FOLH1: variants seen among roughly 807,000 people sequenced by gnomAD.
FOLH1 encodes glutamate carboxypeptidase 2.
FOLH1 carries 54 observed loss-of-function variants against 93.9 expected under a neutral mutation model. The observed-to-expected ratio is 0.57, with a 90% confidence interval of 0.46 to 0.72. The LOEUF (loss-of-function observed/expected upper bound fraction) is 0.72. FOLH1 is among the 30% of genes least tolerant of loss of function. The pLI is 0.00. For missense variants in FOLH1, 571 were observed against 892.5 expected (o/e 0.64, Z 4.59); for synonymous variants, 249 against 303.6 (o/e 0.82, Z 1.87).
At chr11:49,181,064 C>T (rs1326365031) in intron 7 of FOLH1, among the ~76,000 whole-genome samples, 1 of 151,970 alleles carries the variant, frequency 6.6e-6, no homozygotes, top group African/African-American at 2.4e-5. Context: ...TATTATGCAT[C>T]CCTCTTTTGT....
At chr11:49,205,385 A>T (rs1863786808) in intron 2 of FOLH1, among the ~76,000 whole-genome samples, 1 of 152,190 alleles carries the variant, frequency 6.6e-6, no homozygotes. Flanking sequence ...AAATATGCCA[A>T]ATTTATGCTA....
chr11:49,159,706 A>G (rs1239230324), intron 13 of FOLH1, among the ~76,000 whole-genome samples: 1 of 152,134 alleles, frequency 6.6e-6, no homozygotes, highest in Non-Finnish European at 1.5e-5. Context: ...TAGAAATAGT[A>G]CCAGCCCTTC....
rs1418656291 is a variant in FOLH1 at position 49,206,137 on chromosome 11, T to C, written c.154A>G (p.Ile52Val). The C allele has an allele frequency of 3.1e-6, 5 of 1,612,290 alleles. No homozygotes were observed. The highest frequency in any genetic ancestry group is 3.4e-5 in the Admixed American group (2 of 59,634). ...GCTTTCATATTATGCTTTGGAGTAA[T>C]GTTAGTAGCTTCATTGGAGGATTTT... ...FIKSSNEATNITPKHNMKAFL... is the reference protein window; with the variant it reads ...FIKSSNEATNVTPKHNMKAFL... Residue 52 changes from isoleucine to valine, a missense_variant, in exon 2 of 19, where the codon ATT (isoleucine) becomes GTT (valine). Physicochemically the swap from Ile to Val is conservative, Grantham distance 29 (BLOSUM62 3). Transcript: ENST00000256999.
rs182195065 is a variant in FOLH1 at position 49,146,626 on chromosome 11, T to C, written c.*130A>G. Reference sequence around the variant, plus strand: ...TATAAACACACACATATATAAACACTCACATAACTATATATAATATTCAAC... The same window carrying C: ...TATAAACACACACATATATAAACACCCACATAACTATATATAATATTCAAC... On this transcript the variant is annotated 3_prime_UTR_variant, in exon 19 of 19. Transcript: ENST00000256999. 784 of 679,150 alleles carry C rather than the reference T, an allele frequency of 1.2e-3. 6 individuals are homozygous for C. The African/African-American group carries it at 0.013, about 12-fold the overall frequency. 42.1% of individuals were successfully genotyped at this position (679,150 alleles called of 1,614,324 possible).
At chr11:49,167,125 T>C (rs989550824) in intron 12 of FOLH1, among the ~76,000 whole-genome samples, 11 of 152,212 alleles carry the variant, frequency 7.2e-5, no homozygotes, top group African/African-American at 2.7e-4. Context: ...GTATTTATTC[T>C]GGGTGGGCAT....
chr11:49,179,367 A>T lies in FOLH1; in HGVS notation c.921-3410T>A, dbSNP rs548252243. On this transcript the variant is annotated intron_variant, in intron 7 of 18. Transcript: ENST00000256999. The stretch of plus-strand genomic sequence containing the variant: ...AGCCTGGATAAATTTAAAAGGTTGA[A>T]ATTATACAATCATTTTATTACTCAT... Among the ~76,000 whole-genome samples the T allele has an allele frequency of 2.6e-5, 4 of 152,330 alleles. No individual in the cohort carries two copies. The South Asian group carries it at 8.3e-4, about 32-fold the overall frequency.
chr11:49,151,403 TGC>T (rs1856496003), intron 17 of FOLH1, among the ~76,000 whole-genome samples: 1 of 150,496 alleles, frequency 6.6e-6, no homozygotes, highest in African/African-American at 2.5e-5. Flanking sequence ...AATGCGCGCG[TGC>T]GCGTGCGTGC....
At chr11:49,166,743 G>GACA (rs1858457089) in intron 12 of FOLH1, among the ~76,000 whole-genome samples, 1 of 152,186 alleles carries the variant, frequency 6.6e-6, no homozygotes, top group Non-Finnish European at 1.5e-5. Context: ...AAACAAGTGA[G>GACA]ATGAATGGTG....
intron 3 of FOLH1, among the ~76,000 whole-genome samples, chr11:49,195,922 G>A (rs1862568724): frequency 1.3e-5 from 2 of 152,178 alleles, no homozygotes; most frequent in Admixed American, 6.5e-5. Context: ...TTGGCAGGCC[G>A]AGGCGGGTGG....
At chr11:49,152,541 T>C (rs1856603676) in intron 17 of FOLH1, among the ~76,000 whole-genome samples, 3 of 152,206 alleles carry the variant, frequency 2.0e-5, no homozygotes, top group Admixed American at 6.5e-5. Flanking sequence ...ATTAGTGAAC[T>C]GCAATATTTT....
chr11:49,198,572 A>G (rs1426598627), intron 3 of FOLH1, among the ~76,000 whole-genome samples: 1 of 152,062 alleles, frequency 6.6e-6, no homozygotes, highest in Non-Finnish European at 1.5e-5. Flanking sequence ...TAGATCAAAG[A>G]GACGTTTAAG....
chr11:49,159,477 A>C (rs1489406038), intron 13 of FOLH1, among the ~76,000 whole-genome samples: 1 of 152,188 alleles, frequency 6.6e-6, no homozygotes, highest in African/African-American at 2.4e-5. Flanking sequence ...CCCTGGGATG[A>C]AGCCTACTTG....
At chr11:49,148,572 GA>G in intron 18 of FOLH1, 66 bp downstream of exon 18, 6 of 1,260,050 alleles carry the variant, frequency 4.8e-6, no homozygotes, top group East Asian at 5.1e-5. Flanking sequence ...TTTCCACAGT[GA>G]AAAAAATAAA....
chr11:49,193,087 AT>A (rs1027324193), intron 3 of FOLH1, among the ~76,000 whole-genome samples, 193 bp from the exon 4 acceptor site: 3 of 152,202 alleles, frequency 2.0e-5, no homozygotes, highest in Admixed American at 1.3e-4. Flanking sequence ...TAAATCACAG[AT>A]TCTGTCCTCA....
At chr11:49,192,960 A>G (rs1258620129) in intron 3 of FOLH1, 66 bp from the exon 4 acceptor site, 1 of 1,341,608 alleles carries the variant, frequency 7.5e-7, no homozygotes, top group Non-Finnish European at 1.0e-6. Flanking sequence ...ATCAAACACA[A>G]AAAAAATGAA....
chr11:49,170,163 T>C (rs1016507513), intron 11 of FOLH1, among the ~76,000 whole-genome samples: 1 of 152,232 alleles, frequency 6.6e-6, no homozygotes, highest in Non-Finnish European at 1.5e-5. Flanking sequence ...TATATTTACT[T>C]TATAGCTAAC....
chr11:49,152,796 T>C (rs1856628156), intron 17 of FOLH1, among the ~76,000 whole-genome samples: 1 of 152,156 alleles, frequency 6.6e-6, no homozygotes. Context: ...ATTGCATCAT[T>C]TCCCCATTGC....
intron 2 of FOLH1, among the ~76,000 whole-genome samples, chr11:49,205,425 A>T (rs1863793715): frequency 6.6e-6 from 1 of 152,192 alleles, no homozygotes. Flanking sequence ...CATCCATATC[A>T]TAATAAGATC....
intron 9 of FOLH1, among the ~76,000 whole-genome samples, chr11:49,173,787 C>A (rs539811345): frequency 6.6e-6 from 1 of 151,824 alleles, no homozygotes; most frequent in African/African-American, 2.4e-5. Context: ...ACTTCTCTTA[C>A]CTAACTTACC....
Sources: allele counts gnomAD v4.1 joint callset (sites outside exome capture counted in the v4.1 genomes callset), GRCh38; gene constraint gnomAD v4.1.1; transcripts MANE v1.5; gene names NCBI Gene and HGNC (gene_info 2026-07-23, HGNC 2026-07-21).